Variants in CCDC146 observed in about 807,000 individuals in gnomAD.
CCDC146 encodes coiled-coil domain containing 146.
In CCDC146, 92 loss-of-function variants were observed where a neutral mutation model predicts 119.3. That is an observed-to-expected ratio of 0.77 (90% CI 0.65 to 0.92). The LOEUF is 0.92. Among genes scored for constraint, CCDC146 ranks in the 40% least tolerant of loss-of-function variants. The pLI, the probability that CCDC146 is intolerant of heterozygous loss-of-function variation, is 0.00. For synonymous variants in CCDC146, 372 were observed against 371.8 expected (o/e 1.00, Z -0.01); for missense variants, 1,000 against 1,103.0 (o/e 0.91, Z 1.32).
intron 5 of CCDC146, among the ~76,000 whole-genome samples, chr7:77,255,765 G>A (rs1793166752): frequency 6.6e-6 from 1 of 152,180 alleles, no homozygotes; most frequent in African/African-American, 2.4e-5. Context: ...ATGAGACAAA[G>A]ATCTTTGATG....
At position 77,278,793 on chromosome 7, in the gene CCDC146, T is replaced by A; in HGVS notation, c.1482T>A (p.Asp494Glu). 6.2e-7 allele frequency: 1 copy of A among 1,612,322 alleles called. No individual in the cohort carries two copies. ...TNIVKEMKAK[D>E]LEIRIHKKKK... ...TTGTTAAAGAAATGAAAGCAAAGGA[T>A]CTTGAAATCAGGATACACAAGAAGA... The change falls in exon 12 of 19, where the codon GAT (aspartate) becomes GAA (glutamate). Residue 494 changes from aspartate to glutamate, a missense_variant. Around this residue, in one of 2 missense-constraint regions of CCDC146, gnomAD observed 985 missense variants for 1,045.3 expected, o/e 0.94. Coordinates refer to ENST00000285871, the MANE Select transcript of CCDC146 (RefSeq NM_020879.3).
At chr7:77,163,570 A>G (rs1791294279) in intron 1 of CCDC146, among the ~76,000 whole-genome samples, 1 of 152,206 alleles carries the variant, frequency 6.6e-6, no homozygotes, top group Non-Finnish European at 1.5e-5. Context: ...AAATTGAGTA[A>G]CCTATGGTGC....
chr7:77,200,702 T>TGG (rs1294252050), intron 2 of CCDC146, among the ~76,000 whole-genome samples: 1 of 152,260 alleles, frequency 6.6e-6, no homozygotes, highest in African/African-American at 2.4e-5. Flanking sequence ...TTCTTCTACC[T>TGG]GCTCTCTGGG....
intron 2 of CCDC146, among the ~76,000 whole-genome samples, chr7:77,171,301 C>T (rs1791417302): frequency 6.6e-6 from 1 of 152,144 alleles, no homozygotes; most frequent in Non-Finnish European, 1.5e-5. Context: ...TCTCATCCTG[C>T]TAATCCCAAA....
At chr7:77,223,685 A>G (rs2150465401) in intron 2 of CCDC146, among the ~76,000 whole-genome samples, 2 of 152,386 alleles carry the variant, frequency 1.3e-5, no homozygotes, top group East Asian at 1.9e-4. Flanking sequence ...ATAAACATGA[A>G]TTCTTTTAAC....
rs183097022 is a variant in CCDC146 at position 77,251,906 on chromosome 7, T to C, written c.450-2600T>C. Among the ~76,000 whole-genome samples, 20 of 152,294 alleles carry C rather than the reference T, an allele frequency of 1.3e-4. No individual in the cohort carries two copies. The East Asian group carries it at 2.7e-3, about 21-fold the overall frequency. On this transcript the variant is annotated intron_variant, in intron 4 of 18. Transcript: ENST00000285871. Reference sequence around the variant, plus strand: ...GCTCACGCCTGTAATCCCAGCACTTTGGGAGGCCGAGGCAGGCAGATCACC... The same window carrying C: ...GCTCACGCCTGTAATCCCAGCACTTCGGGAGGCCGAGGCAGGCAGATCACC...
chr7:77,188,984 T>A (rs1791714933), intron 2 of CCDC146, among the ~76,000 whole-genome samples: 1 of 152,132 alleles, frequency 6.6e-6, no homozygotes, highest in Non-Finnish European at 1.5e-5. Flanking sequence ...TCTGTAAAAG[T>A]CTGCTGCACA....
At chr7:77,177,057 A>G (rs1415887957) in intron 2 of CCDC146, among the ~76,000 whole-genome samples, 5 of 151,866 alleles carry the variant, frequency 3.3e-5, no homozygotes, top group Non-Finnish European at 7.4e-5. Flanking sequence ...GCTGGTCTCA[A>G]ACTCCTGGGC....
chr7:77,184,942 A>G lies in CCDC146; in HGVS notation c.156+17118A>G, dbSNP rs1248547010. Among the ~76,000 whole-genome samples, 7 of 152,166 alleles carry G rather than the reference A, an allele frequency of 4.6e-5. No individual in the cohort carries two copies. In the East Asian group the frequency reaches 1.3e-3, roughly 29 times the overall value. ...TTTCCACTTCCTGGATTCACACAGA[A>G]AGTCATGGGGGGATGAGACTGAGGT... On this transcript the variant is annotated intron_variant, in intron 2 of 18. Transcript: ENST00000285871.
chr7:77,139,056 C>G (rs1021589364), intron 1 of CCDC146, among the ~76,000 whole-genome samples: 59 of 152,310 alleles, frequency 3.9e-4, no homozygotes, highest in African/African-American at 1.3e-3. Context: ...AAAATCTGCA[C>G]ATAGATGTTT....
chr7:77,185,561 A>G (rs1791654638), intron 2 of CCDC146, among the ~76,000 whole-genome samples: 1 of 152,212 alleles, frequency 6.6e-6, no homozygotes, highest in Non-Finnish European at 1.5e-5. Flanking sequence ...TAAAGCAGAT[A>G]TGGCTTAGAT....
At chr7:77,252,366 T>A (rs796770060) in intron 4 of CCDC146, among the ~76,000 whole-genome samples, 66 of 152,142 alleles carry the variant, frequency 4.3e-4, no homozygotes, top group African/African-American at 1.4e-3. Flanking sequence ...CAAAGAAATA[T>A]GTTCCAAATG....
chr7:77,218,279 T>A (rs566813432), intron 2 of CCDC146, among the ~76,000 whole-genome samples: 24 of 150,480 alleles, frequency 1.6e-4, no homozygotes, highest in African/African-American at 5.8e-4. Flanking sequence ...TATAAGGTTA[T>A]AATTTATATA....
chr7:77,202,144 C>T (rs898989390), intron 2 of CCDC146, among the ~76,000 whole-genome samples: 3 of 152,180 alleles, frequency 2.0e-5, no homozygotes, highest in Non-Finnish European at 4.4e-5. Flanking sequence ...TATTGATATA[C>T]TATATATTTA....
At chr7:77,232,621 CT>C (rs1792652535) in intron 2 of CCDC146, among the ~76,000 whole-genome samples, 2 of 152,218 alleles carry the variant, frequency 1.3e-5, no homozygotes, top group South Asian at 4.1e-4. Flanking sequence ...AGCCCCCAAC[CT>C]GGTTAGAGCC....
chr7:77,171,542 G>A (rs1791421583), intron 2 of CCDC146, among the ~76,000 whole-genome samples: 3 of 152,096 alleles, frequency 2.0e-5, no homozygotes, highest in South Asian at 2.1e-4. Context: ...ACTTATCTGC[G>A]CTCCCCATCA....
chr7:77,257,675 G>A (rs1793206949), intron 6 of CCDC146, among the ~76,000 whole-genome samples: 1 of 152,200 alleles, frequency 6.6e-6, no homozygotes, highest in Non-Finnish European at 1.5e-5. Context: ...AGATCCCACA[G>A]AGAAATGTCT....
intron 1 of CCDC146, among the ~76,000 whole-genome samples, chr7:77,158,269 TTAATTG>T (rs1791205719): frequency 6.6e-6 from 1 of 152,196 alleles, no homozygotes; most frequent in African/African-American, 2.4e-5. Context: ...AAATATTTAT[TTAATTG>T]ATTTAGGCAT....
chr7:77,276,141 G>A (rs1400340936), intron 11 of CCDC146, among the ~76,000 whole-genome samples: 1 of 147,582 alleles, frequency 6.8e-6, no homozygotes, highest in Non-Finnish European at 1.5e-5. Context: ...AGGAGGTGGA[G>A]GTTGTAGTGA....
Sources: gnomAD v4.1 joint callset for allele counts (sites outside exome capture counted in the v4.1 genomes callset) on GRCh38, gnomAD v4.1.1 for gene constraint, gnomAD v4.1.1 regional missense constraint, MANE v1.5 for transcripts, NCBI Gene and HGNC (gene_info 2026-07-23, HGNC 2026-07-21) for gene names.